Variants in ADARB2 observed in about 807,000 individuals in gnomAD.
The protein encoded by ADARB2 is inactive double-stranded RNA-specific editase B2.
A neutral mutation model predicts 62.2 loss-of-function variants in ADARB2; 25 were observed. The observed-to-expected ratio is 0.40, with a 90% CI of 0.29 to 0.56. The LOEUF is 0.56. Among genes scored for constraint, ADARB2 ranks in the 20% least tolerant of loss-of-function variants. The pLI, the probability that ADARB2 is intolerant of heterozygous loss-of-function variation, is 0.43. For missense variants in ADARB2, 1,071 were observed against 1,077.4 expected, an observed-to-expected ratio of 0.99 and a Z score of 0.08; for synonymous variants, 572 against 500.8, an observed-to-expected ratio of 1.14 and a Z score of -1.90.
chr10:1,409,383 C>A (rs1588247621), intron 1 of ADARB2, among the ~76,000 whole-genome samples: 1 of 152,256 alleles, frequency 6.6e-6, no homozygotes, highest in Non-Finnish European at 1.5e-5. Context: ...CCACCTGAAC[C>A]CCATCTGCGT....
At chr10:1,302,172 C>T (rs1194979887) in intron 3 of ADARB2, among the ~76,000 whole-genome samples, 1 of 152,212 alleles carries the variant, frequency 6.6e-6, no homozygotes, top group Non-Finnish European at 1.5e-5. Flanking sequence ...TGGGTGCGCA[C>T]ACCGTGCGCG....
intron 3 of ADARB2, among the ~76,000 whole-genome samples, chr10:1,316,065 C>T (rs1831736360): frequency 6.6e-6 from 1 of 152,202 alleles, no homozygotes; most frequent in African/African-American, 2.4e-5. Context: ...TTTGGGCACT[C>T]ACAAATGTTC....
At chr10:1,650,722 T>G (rs1300259792) in intron 1 of ADARB2, among the ~76,000 whole-genome samples, 1 of 152,316 alleles carries the variant, frequency 6.6e-6, no homozygotes, top group East Asian at 1.9e-4. Flanking sequence ...GTCCGCCCAC[T>G]GCAGTCCCGG....
intron 1 of ADARB2, among the ~76,000 whole-genome samples, chr10:1,446,545 C>T (rs187417072): frequency 2.0e-5 from 3 of 152,250 alleles, no homozygotes; most frequent in African/African-American, 4.8e-5. Context: ...TAGGCGGGGG[C>T]GAAGGCATGC....
chr10:1,216,698 G>A (rs774210485), intron 7 of ADARB2: 14 of 537,464 alleles, frequency 2.6e-5, no homozygotes, highest in Non-Finnish European at 3.9e-5. Context: ...GGCCTTGCTC[G>A]GGGCTGTTTG....
intron 1 of ADARB2, among the ~76,000 whole-genome samples, chr10:1,452,188 G>A (rs1831049328): frequency 6.6e-6 from 1 of 152,196 alleles, no homozygotes; most frequent in Non-Finnish European, 1.5e-5. Flanking sequence ...CAGCTTTCCA[G>A]CTGCGGGAAT....
intron 1 of ADARB2, among the ~76,000 whole-genome samples, chr10:1,419,253 C>T (rs1391579047): frequency 6.6e-6 from 1 of 152,132 alleles, no homozygotes; most frequent in Non-Finnish European, 1.5e-5. Flanking sequence ...GCCACCACGC[C>T]CGTCTAATTT....
chr10:1,660,429 A>G (rs1004212370), intron 1 of ADARB2, among the ~76,000 whole-genome samples: 13 of 152,176 alleles, frequency 8.5e-5, no homozygotes, highest in African/African-American at 2.9e-4. Flanking sequence ...GAGTGTGACT[A>G]TGTATGTTGG....
At chr10:1,419,152 G>T (rs941199481) in intron 1 of ADARB2, among the ~76,000 whole-genome samples, 2 of 152,096 alleles carry the variant, frequency 1.3e-5, no homozygotes, top group Admixed American at 6.6e-5. Flanking sequence ...GGAGCACAAT[G>T]GCATGATCTT....
intron 3 of ADARB2, among the ~76,000 whole-genome samples, chr10:1,305,868 A>T (rs1212731275): frequency 3.3e-5 from 5 of 151,184 alleles, no homozygotes; most frequent in Non-Finnish European, 5.9e-5. Flanking sequence ...CATGCTAAAA[A>T]CTCTCAATAA....
chr10:1,644,279 G>A (rs1834009973), intron 1 of ADARB2, among the ~76,000 whole-genome samples: 1 of 152,202 alleles, frequency 6.6e-6, no homozygotes, highest in Non-Finnish European at 1.5e-5. Flanking sequence ...TTACTGCGCT[G>A]GGAACAGCAC....
chr10:1,205,536 G>A (rs1328178406), intron 7 of ADARB2, among the ~76,000 whole-genome samples: 3 of 152,212 alleles, frequency 2.0e-5, no homozygotes, highest in Non-Finnish European at 4.4e-5. Context: ...CAAGGGGAAG[G>A]GAGCCCAGTG....
chr10:1,510,593 C>T (rs1831924363), intron 1 of ADARB2, among the ~76,000 whole-genome samples: 1 of 152,154 alleles, frequency 6.6e-6, no homozygotes, highest in South Asian at 2.1e-4. Context: ...CTGTGGGAAT[C>T]ATTTCTTGGT....
intron 4 of ADARB2, among the ~76,000 whole-genome samples, chr10:1,266,325 C>T (rs536881516): frequency 6.6e-6 from 1 of 152,242 alleles, no homozygotes; most frequent in Non-Finnish European, 1.5e-5. Flanking sequence ...ATAGGGCTCA[C>T]TGGATTATTT....
chr10:1,663,814 C>T (rs374870620), intron 1 of ADARB2, among the ~76,000 whole-genome samples: 3 of 152,110 alleles, frequency 2.0e-5, no homozygotes, highest in South Asian at 2.1e-4. Context: ...GACAGGGTTT[C>T]GCCATCTTGA....
intron 1 of ADARB2, among the ~76,000 whole-genome samples, chr10:1,510,107 T>C (rs975376940): frequency 1.7e-5 from 2 of 116,002 alleles, no homozygotes; most frequent in Admixed American, 8.4e-5. Flanking sequence ...TTTCTTTCTT[T>C]CTCTCTTTCT....
intron 3 of ADARB2, among the ~76,000 whole-genome samples, chr10:1,288,394 C>G (rs1831432672): frequency 6.6e-6 from 1 of 152,210 alleles, no homozygotes; most frequent in African/African-American, 2.4e-5. Flanking sequence ...GGTGCTCTTC[C>G]AAGTAACAGC....
At chr10:1,328,147 GAAATGTTGAAA>G (rs1400152777) in intron 3 of ADARB2, among the ~76,000 whole-genome samples, 4 of 152,248 alleles carry the variant, frequency 2.6e-5, no homozygotes, top group African/African-American at 9.6e-5. Context: ...GCAGGCTCCG[GAAATGTTGAAA>G]TAGAGGAGTC....
chr10:1,659,678 C>T (rs11250713), intron 1 of ADARB2, among the ~76,000 whole-genome samples: 30,065 of 152,276 alleles, frequency 0.2, 3,198 homozygotes, highest in Middle Eastern at 0.29. Flanking sequence ...GCAGGGGTAG[C>T]TCCTGCTGGG....
Sources: allele counts gnomAD v4.1 joint callset (sites outside exome capture counted in the v4.1 genomes callset), GRCh38; gene constraint gnomAD v4.1.1; transcripts MANE v1.5; gene names NCBI Gene and HGNC (gene_info 2026-07-23, HGNC 2026-07-21).